The following OCA2 variants were observed in gnomAD, a reference collection of about 807,000 sequenced individuals.
The protein encoded by OCA2 is P protein.
A neutral mutation model predicts 100.2 loss-of-function variants in OCA2; 77 were observed. The ratio of observed to expected loss-of-function variants is 0.77; its 90% confidence interval spans 0.64 to 0.93. The LOEUF (loss-of-function observed/expected upper bound fraction) is 0.93, where lower values mean the gene tolerates loss of function less well. Among genes scored for constraint, OCA2 ranks in the 40% least tolerant of loss-of-function variants. OCA2 has a pLI of 0.00. For synonymous variants in OCA2, 432 were observed against 439.2 expected (o/e 0.98, Z 0.21); for missense variants, 1,062 against 1,089.1 (o/e 0.98, Z 0.35).
At chr15:27,901,967 C>A (rs1051476994) in intron 19 of OCA2, among the ~76,000 whole-genome samples, 4 of 152,146 alleles carry the variant, frequency 2.6e-5, no homozygotes, top group African/African-American at 9.7e-5. Flanking sequence ...CCACTGTGAC[C>A]AGAAGGGTCC....
intron 19 of OCA2, among the ~76,000 whole-genome samples, chr15:27,918,146 T>C (rs1036082146): frequency 6.9e-6 from 1 of 145,264 alleles, no homozygotes; most frequent in Non-Finnish European, 1.5e-5. Flanking sequence ...TAGGCTGGAA[T>C]GCAGTGGCAT....
At chr15:28,091,235 G>C (rs1226304459) in intron 1 of OCA2, among the ~76,000 whole-genome samples, 2 of 152,154 alleles carry the variant, frequency 1.3e-5, no homozygotes, top group Non-Finnish European at 2.9e-5. Flanking sequence ...GGTTTCACTA[G>C]AGAATTCTAC....
At chr15:27,903,066 C>T (rs2038021343) in intron 19 of OCA2, among the ~76,000 whole-genome samples, 1 of 152,216 alleles carries the variant, frequency 6.6e-6, no homozygotes, top group African/African-American at 2.4e-5. Context: ...AGGAGAGGAG[C>T]CCTCTGTGAC....
chr15:27,889,250 C>T (rs1361025100), intron 19 of OCA2, among the ~76,000 whole-genome samples: 2 of 152,214 alleles, frequency 1.3e-5, no homozygotes, highest in African/African-American at 4.8e-5. Context: ...GGGCTTTTCA[C>T]TACAACTGCT....
the OCA2 span, among the ~76,000 whole-genome samples, chr15:27,738,528 G>T: frequency 6.6e-6 from 1 of 152,150 alleles, no homozygotes; most frequent in Non-Finnish European, 1.5e-5. Flanking sequence ...GAGGTCAGGA[G>T]ATCGAGACCA....
At chr15:27,876,630 CTA>C (rs1353882066) in intron 19 of OCA2, among the ~76,000 whole-genome samples, 1 of 151,910 alleles carries the variant, frequency 6.6e-6, no homozygotes, top group African/African-American at 2.4e-5. Flanking sequence ...TGATATAACT[CTA>C]TTTTGATTTT....
intron 9 of OCA2, among the ~76,000 whole-genome samples, chr15:27,992,572 G>A (rs1433790799): frequency 6.6e-6 from 1 of 152,024 alleles, no homozygotes; most frequent in Admixed American, 6.6e-5. Context: ...CCGCCCTACA[G>A]AGAACAAGGC....
chr15:27,747,332 G>A, the OCA2 span, among the ~76,000 whole-genome samples: 2 of 152,252 alleles, frequency 1.3e-5, no homozygotes, highest in Non-Finnish European at 2.9e-5. Flanking sequence ...ATGTGAGTAA[G>A]TGTTCGATCG....
At chr15:27,821,216 C>T (rs1002955665) in intron 23 of OCA2, among the ~76,000 whole-genome samples, 1 of 152,132 alleles carries the variant, frequency 6.6e-6, no homozygotes, top group African/African-American at 2.4e-5. Flanking sequence ...GTTATGCACA[C>T]TCTTAAGATG....
chr15:27,880,189 C>T (rs2036957632), intron 19 of OCA2, among the ~76,000 whole-genome samples: 1 of 152,076 alleles, frequency 6.6e-6, no homozygotes, highest in East Asian at 1.9e-4. Context: ...TCTGAGATCT[C>T]TATTCTGTTC....
chr15:27,949,662 C>T (rs774342868), intron 18 of OCA2, among the ~76,000 whole-genome samples: 1 of 151,556 alleles, frequency 6.6e-6, no homozygotes, highest in Non-Finnish European at 1.5e-5. Flanking sequence ...GACTCTGTCT[C>T]AAAAAAATTT....
At chr15:28,039,306 C>T (rs1358985182) in intron 2 of OCA2, among the ~76,000 whole-genome samples, 1 of 152,190 alleles carries the variant, frequency 6.6e-6, no homozygotes, top group East Asian at 1.9e-4. Context: ...TTGGACCTAA[C>T]AGACATATAC....
intron 2 of OCA2, among the ~76,000 whole-genome samples, chr15:28,056,742 C>T (rs1331483518): frequency 6.6e-6 from 1 of 152,260 alleles, no homozygotes; most frequent in African/African-American, 2.4e-5. Context: ...GGGCTCATCA[C>T]GCGCTCCTAT....
Position 27,806,784 on chromosome 15 carries a change from C to G in OCA2, c.2432+38175G>C, listed in dbSNP as rs540567998. Among the ~76,000 whole-genome samples the G allele has an allele frequency of 3.1e-3, 471 of 152,366 alleles. 4 individuals carry two copies. Among genetic ancestry groups the G allele is most frequent in the African/African-American group, 0.011 (453 of 41,586 alleles). ...GGCTGAACTTCACTGATGGCCCAGACTGCGGAGAGGACCGTGGCCACCTTA... is the reference window on the plus strand; with the variant it reads ...GGCTGAACTTCACTGATGGCCCAGAGTGCGGAGAGGACCGTGGCCACCTTA... On this transcript the variant is annotated intron_variant, in intron 23 of 23. Coordinates refer to ENST00000354638, the MANE Select transcript of OCA2 (RefSeq NM_000275.3).
downstream of OCA2, among the ~76,000 whole-genome samples, chr15:27,752,216 T>C (rs1294203406): frequency 6.6e-6 from 1 of 152,218 alleles, no homozygotes; most frequent in Non-Finnish European, 1.5e-5. Context: ...AGTAAAAGTG[T>C]GTCCTCACCG....
At chr15:28,028,216 G>GT (rs1555378691) in intron 3 of OCA2, among the ~76,000 whole-genome samples, 157 bp from the exon 4 acceptor site, 5 of 152,304 alleles carry the variant, frequency 3.3e-5, no homozygotes, top group East Asian at 1.9e-4. Flanking sequence ...GTGGGAATGG[G>GT]TTTTTTTGTG....
chr15:27,735,388 C>A, the OCA2 span, among the ~76,000 whole-genome samples: 1 of 151,812 alleles, frequency 6.6e-6, no homozygotes, highest in African/African-American at 2.4e-5. Flanking sequence ...ATCAAAAGAG[C>A]AAATGTTTGT....
intron 2 of OCA2, among the ~76,000 whole-genome samples, chr15:28,053,566 T>A (rs2043584991): frequency 6.6e-6 from 1 of 152,186 alleles, no homozygotes; most frequent in African/African-American, 2.4e-5. Context: ...TCAGGGCTAC[T>A]ACCATGGCTA....
At chr15:27,887,929 G>T (rs2037298876) in intron 19 of OCA2, among the ~76,000 whole-genome samples, 1 of 151,460 alleles carries the variant, frequency 6.6e-6, no homozygotes, top group Non-Finnish European at 1.5e-5. Context: ...TGTGGTGAGT[G>T]GACAGAACCT....
Sources: gnomAD v4.1 joint callset for allele counts (sites outside exome capture counted in the v4.1 genomes callset) on GRCh38, gnomAD v4.1.1 for gene constraint, MANE v1.5 for transcripts, NCBI Gene and HGNC (gene_info 2026-07-23, HGNC 2026-07-21) for gene names.